KLHL32: variants seen among roughly 807,000 people sequenced by gnomAD.
The protein encoded by KLHL32 is kelch-like protein 32.
In KLHL32, 35 loss-of-function variants were observed where a neutral mutation model predicts 64.8. The ratio of observed to expected loss-of-function variants is 0.54; its 90% CI spans 0.41 to 0.72. The LOEUF (loss-of-function observed/expected upper bound fraction) is 0.72. Among genes scored for constraint, KLHL32 ranks in the 30% least tolerant of loss-of-function variants. KLHL32 has a pLI of 0.00. For missense variants in KLHL32, 589 were observed against 768.5 expected, an observed-to-expected ratio of 0.77 and a Z score of 2.76; for synonymous variants, 259 against 281.0, an observed-to-expected ratio of 0.92 and a Z score of 0.78.
intron 1 of KLHL32, among the ~76,000 whole-genome samples, chr6:96,953,052 GTAA>G (rs1318550182): frequency 6.6e-6 from 1 of 152,128 alleles, no homozygotes; most frequent in Admixed American, 6.6e-5. Flanking sequence ...GCTGATTTGA[GTAA>G]TAAACTCCTG....
chr6:96,975,503 A>G (rs1276000940), intron 2 of KLHL32, among the ~76,000 whole-genome samples: 2 of 152,126 alleles, frequency 1.3e-5, no homozygotes, highest in Admixed American at 6.5e-5. Context: ...GTTTTCTTGT[A>G]TGTGTTAACA....
intron 3 of KLHL32, among the ~76,000 whole-genome samples, chr6:97,006,322 A>G (rs1390377332): frequency 6.6e-6 from 1 of 152,120 alleles, no homozygotes; most frequent in African/African-American, 2.4e-5. Flanking sequence ...CTGATACTAG[A>G]ATAGAAAGCT....
At chr6:97,008,525 T>C (rs1020610787) in intron 3 of KLHL32, among the ~76,000 whole-genome samples, 4 of 151,916 alleles carry the variant, frequency 2.6e-5, no homozygotes, top group Non-Finnish European at 1.5e-5. Flanking sequence ...GCCACTCCCA[T>C]GCCAAACTCT....
chr6:96,969,752 T>C (rs1774909376), intron 2 of KLHL32, among the ~76,000 whole-genome samples: 1 of 152,206 alleles, frequency 6.6e-6, no homozygotes, highest in Non-Finnish European at 1.5e-5. Context: ...TTCTCAGCCA[T>C]GTTCTTGAGA....
intron 1 of KLHL32, among the ~76,000 whole-genome samples, chr6:96,934,113 G>A (rs1312718402): frequency 6.6e-6 from 1 of 152,194 alleles, no homozygotes; most frequent in Non-Finnish European, 1.5e-5. Context: ...ACTGGGCATT[G>A]TAGGACCTTG....
At chr6:97,035,129 A>G (rs1254422841) in intron 3 of KLHL32, among the ~76,000 whole-genome samples, 1 of 151,886 alleles carries the variant, frequency 6.6e-6, no homozygotes, top group Non-Finnish European at 1.5e-5. Context: ...TATCTTTTGT[A>G]TATCTATTAT....
chr6:97,096,587 T>G (rs1282955587), intron 6 of KLHL32, among the ~76,000 whole-genome samples: 1 of 152,260 alleles, frequency 6.6e-6, no homozygotes, highest in Non-Finnish European at 1.5e-5. Context: ...TAGCCTGGCC[T>G]ATTGCAGAAT....
At chr6:96,978,449 C>T (rs112050623) in intron 3 of KLHL32, among the ~76,000 whole-genome samples, 11,898 of 152,214 alleles carry the variant, frequency 0.078, 522 homozygotes, top group Middle Eastern at 0.15. Context: ...CCAGCTCCAT[C>T]CATGTTGCTG....
intron 5 of KLHL32, among the ~76,000 whole-genome samples, chr6:97,069,019 A>G (rs1006758508): frequency 1.3e-5 from 2 of 152,110 alleles, no homozygotes; most frequent in African/African-American, 4.8e-5. Flanking sequence ...ATTGTAAGGG[A>G]AACAGAGAAG....
At chr6:96,976,717 G>A (rs998110548) in intron 3 of KLHL32, among the ~76,000 whole-genome samples, 1 of 152,034 alleles carries the variant, frequency 6.6e-6, no homozygotes, top group Non-Finnish European at 1.5e-5. Flanking sequence ...TCCTGCCTTA[G>A]CCTCCTGAGT....
intron 7 of KLHL32, among the ~76,000 whole-genome samples, chr6:97,117,657 G>A (rs1797939878): frequency 6.6e-6 from 1 of 152,180 alleles, no homozygotes; most frequent in African/African-American, 2.4e-5. Flanking sequence ...ATTCACAAGT[G>A]TTCCATACCA....
intron 2 of KLHL32, among the ~76,000 whole-genome samples, chr6:96,967,474 T>TAG (rs924831055): frequency 3.3e-5 from 5 of 150,534 alleles, no homozygotes; most frequent in Admixed American, 6.7e-5. Flanking sequence ...TATATATATA[T>TAG]AGAGAGAGAG....
chr6:96,991,375 G>A (rs1340755243), intron 3 of KLHL32, among the ~76,000 whole-genome samples: 1 of 152,074 alleles, frequency 6.6e-6, no homozygotes, highest in Non-Finnish European at 1.5e-5. Context: ...GTTTCTCTCC[G>A]TATGGTGGCT....
chr6:97,127,509 A>C, intron 8 of KLHL32, 47 bp downstream of exon 8: 2 of 1,459,920 alleles, frequency 1.4e-6, no homozygotes, highest in Non-Finnish European at 1.9e-6. Flanking sequence ...AATGAATTTT[A>C]AAAGATTCCA....
chr6:97,070,954 T>C (rs1366395567), intron 5 of KLHL32, among the ~76,000 whole-genome samples: 2 of 152,138 alleles, frequency 1.3e-5, no homozygotes, highest in Admixed American at 1.3e-4. Flanking sequence ...CATGGTGAAA[T>C]GTCTCTCCTC....
rs778849333 is a variant in KLHL32 at position 97,113,867 on chromosome 6, G to A, written c.712G>A (p.Val238Met). 1.1e-5 allele frequency: 17 copies of A among 1,613,994 alleles called. No homozygotes were observed. The highest frequency in any genetic ancestry group is 1.3e-5 in the African/African-American group (1 of 74,900). ...ATACATCCGCTTTGGCCTAATGGAT[G>A]TGGATACTCTCCATACAGTTGCCCT... ...LQYIRFGLMD[V>M]DTLHTVALSH... is the part of the protein sequence containing the mutation. The change falls in exon 7 of 11, where the codon GTG (valine) becomes ATG (methionine). Residue 238 changes from valine (V) to methionine (M), a missense_variant. Transcript: ENST00000369261.
At chr6:96,938,395 G>T (rs1012435685) in intron 1 of KLHL32, among the ~76,000 whole-genome samples, 7 of 152,180 alleles carry the variant, frequency 4.6e-5, no homozygotes, top group Admixed American at 1.3e-4. Context: ...ACTGGGGCAG[G>T]GCTGGGCCCC....
At chr6:97,072,310 C>A (rs1260985876) in intron 5 of KLHL32, among the ~76,000 whole-genome samples, 2 of 152,148 alleles carry the variant, frequency 1.3e-5, no homozygotes, top group South Asian at 4.1e-4. Flanking sequence ...AACTGATGAA[C>A]CTGCTTTCCC....
At chr6:97,077,978 T>C (rs1791870674) in intron 5 of KLHL32, among the ~76,000 whole-genome samples, 1 of 152,202 alleles carries the variant, frequency 6.6e-6, no homozygotes, top group African/African-American at 2.4e-5. Context: ...CTTATGTGTA[T>C]GTGATAGGAA....
Sources: allele counts gnomAD v4.1 joint callset (sites outside exome capture counted in the v4.1 genomes callset), GRCh38; gene constraint gnomAD v4.1.1; transcripts MANE v1.5; gene names NCBI Gene and HGNC (gene_info 2026-07-23, HGNC 2026-07-21).